Variants in ERC2 observed in about 807,000 individuals in gnomAD.
The protein encoded by ERC2 is ERC protein 2.
ERC2 carries 42 observed loss-of-function variants against 114.8 expected under a neutral mutation model. The observed-to-expected ratio is 0.37, with a 90% CI of 0.29 to 0.47. ERC2 has a LOEUF of 0.47. Among genes scored for constraint, ERC2 ranks in the 20% least tolerant of loss-of-function variants. The probability of loss-of-function intolerance (pLI) is 0.99; values close to 1 mark genes in which losing one functional copy is unlikely to be tolerated. For synonymous variants in ERC2, 454 were observed against 425.5 expected (o/e 1.07, Z -0.82); for missense variants, 939 against 1,150.7 (o/e 0.82, Z 2.66).
intron 2 of ERC2, among the ~76,000 whole-genome samples, chr3:56,310,829 G>A (rs1047008875): frequency 6.6e-6 from 1 of 151,888 alleles, no homozygotes; most frequent in Non-Finnish European, 1.5e-5. Context: ...ATTTTAACAA[G>A]ACCCACAGGT....
intron 17 of ERC2, among the ~76,000 whole-genome samples, chr3:55,634,177 C>G (rs537789267): frequency 2.0e-5 from 3 of 152,188 alleles, no homozygotes; most frequent in Admixed American, 6.5e-5. Flanking sequence ...CAGAATGCCC[C>G]AGACACGAAG....
intron 2 of ERC2, among the ~76,000 whole-genome samples, chr3:56,398,769 T>C (rs117847992): frequency 0.023 from 3,555 of 152,174 alleles, 41 homozygotes; most frequent in South Asian, 0.069. Context: ...TGCAGGCATA[T>C]ACCACCACAC....
chr3:55,730,708 A>G (rs928524691), intron 15 of ERC2, among the ~76,000 whole-genome samples: 3 of 152,138 alleles, frequency 2.0e-5, no homozygotes, highest in Non-Finnish European at 1.5e-5. Context: ...CCATTTCTAC[A>G]AAAAAATACA....
intron 17 of ERC2, chr3:55,659,532 G>C (rs2061028910): frequency 1.3e-5 from 2 of 151,274 alleles, no homozygotes; most frequent in Admixed American, 1.3e-4. Context: ...AATAGTCTCT[G>C]TGCTCCACTC....
At chr3:56,390,170 C>CT (rs2060077839) in intron 2 of ERC2, among the ~76,000 whole-genome samples, 1 of 152,122 alleles carries the variant, frequency 6.6e-6, no homozygotes, top group African/African-American at 2.4e-5. Context: ...AGAAACCATT[C>CT]TTTAATTAGC....
intron 14 of ERC2, among the ~76,000 whole-genome samples, chr3:55,809,700 A>C (rs2059641261): frequency 6.6e-6 from 1 of 152,176 alleles, no homozygotes; most frequent in African/African-American, 2.4e-5. Context: ...ACACAACCAA[A>C]GTATCAAAGT....
chr3:56,163,028 T>A, intron 4 of ERC2, among the ~76,000 whole-genome samples: 1 of 152,156 alleles, frequency 6.6e-6, no homozygotes, highest in Non-Finnish European at 1.5e-5. Flanking sequence ...CTCTTAACAC[T>A]GCTTTTGCTC....
intron 17 of ERC2, among the ~76,000 whole-genome samples, chr3:55,659,716 T>C (rs546249275): frequency 2.0e-5 from 3 of 152,158 alleles, no homozygotes; most frequent in Non-Finnish European, 2.9e-5. Context: ...TCTCAACCGA[T>C]AGCCTGTTTG....
At chr3:56,157,031 T>A (rs369522762) in intron 4 of ERC2, among the ~76,000 whole-genome samples, 7 of 152,324 alleles carry the variant, frequency 4.6e-5, no homozygotes, top group East Asian at 1.9e-4. Context: ...CATAATCCTA[T>A]GAATTAAGGA....
chr3:55,861,204 T>C (rs953082057), intron 14 of ERC2, among the ~76,000 whole-genome samples: 23 of 152,230 alleles, frequency 1.5e-4, no homozygotes, highest in African/African-American at 5.5e-4. Context: ...TCTGTGCTAT[T>C]TGGAAACTGC....
chr3:56,092,324 C>T (rs1376651441), intron 6 of ERC2, among the ~76,000 whole-genome samples: 1 of 152,168 alleles, frequency 6.6e-6, no homozygotes, highest in Non-Finnish European at 1.5e-5. Flanking sequence ...GTATCACCTA[C>T]ATGGGAGAAT....
chr3:56,420,875 C>T (rs1164462708), intron 2 of ERC2, among the ~76,000 whole-genome samples: 4 of 146,392 alleles, frequency 2.7e-5, no homozygotes, highest in Admixed American at 6.9e-5. Context: ...CCAGCCTGGG[C>T]GACAGAGCAA....
intron 6 of ERC2, among the ~76,000 whole-genome samples, chr3:56,106,958 G>T (rs2078696879): frequency 6.6e-6 from 1 of 152,196 alleles, no homozygotes; most frequent in Non-Finnish European, 1.5e-5. Flanking sequence ...AATCAGAGGT[G>T]ATCAGGTGTT....
rs112607327 is a variant in ERC2 at position 55,570,048 on chromosome 3, C to T, written c.*40-58772G>A. 6.0e-3 allele frequency among the ~76,000 whole-genome samples: 913 copies of T among 151,890 alleles called. 7 individuals are homozygous for T. The highest frequency in any genetic ancestry group is 0.02 in the African/African-American group (842 of 41,416). ...TAGCTTTTTGTATTTTTAGTAGAGA[C>T]GGGATTTTATCATGTTGGCCAGGCT... is the stretch of plus-strand genomic sequence containing the variant. On this transcript the variant is annotated intron_variant, in intron 17 of 17. Coordinates refer to ENST00000288221, the MANE Select transcript of ERC2 (RefSeq NM_015576.3).
At position 55,686,932 on chromosome 3, in the gene ERC2, G is replaced by A. The variant is rs2062364595; in HGVS notation, c.2848-3073C>T. Among the ~76,000 whole-genome samples, 3 of 152,150 alleles carry A rather than the reference G, an allele frequency of 2.0e-5. No individual in the cohort carries two copies. The South Asian group carries it at 6.2e-4, about 32-fold the overall frequency. ...ATCTGGGGATGGGAACATCCAAGGT[G>A]GACCGAAGCCCAGAGAGCACAGTGA... On this transcript the variant is annotated intron_variant, in intron 16 of 17. Transcript: ENST00000288221.
intron 13 of ERC2, among the ~76,000 whole-genome samples, chr3:55,919,680 C>G (rs1028060163): frequency 2.7e-4 from 41 of 152,068 alleles, no homozygotes; most frequent in African/African-American, 9.9e-4. Flanking sequence ...GTGAAGAGTG[C>G]TAAAGAGAAT....
chr3:55,992,351 C>T, intron 10 of ERC2, 101 bp from the exon 11 acceptor site: 1 of 1,068,592 alleles, frequency 9.4e-7, no homozygotes, highest in Admixed American at 2.4e-5. Context: ...GAGAGAAAAT[C>T]ACCACCAAGA....
rs145248551 is a variant in ERC2, at chr3:56,151,269, G to A, written c.1150-2137C>T. ...TTTAGTAGTGACGGGGTTTCACCATGTTGGCCAGGCTACTCTCGAACTCCT... is the reference window on the plus strand; with the variant it reads ...TTTAGTAGTGACGGGGTTTCACCATATTGGCCAGGCTACTCTCGAACTCCT... On this transcript the variant is annotated intron_variant, in intron 4 of 17. Coordinates refer to ENST00000288221, the MANE Select transcript of ERC2 (RefSeq NM_015576.3). Among the ~76,000 whole-genome samples the A allele has an allele frequency of 1.7e-3, 264 of 152,224 alleles. 4 individuals carry two copies. Among genetic ancestry groups the A allele is most frequent in the African/African-American group, 6.2e-3 (257 of 41,532 alleles).
At chr3:56,197,222 T>C (rs1575783574) in intron 3 of ERC2, among the ~76,000 whole-genome samples, 1 of 152,184 alleles carries the variant, frequency 6.6e-6, no homozygotes, top group East Asian at 1.9e-4. Context: ...CTCGGGCAAG[T>C]AACTTGGCCT....
Sources: allele counts gnomAD v4.1 joint callset (sites outside exome capture counted in the v4.1 genomes callset), GRCh38; gene constraint gnomAD v4.1.1; transcripts MANE v1.5; gene names NCBI Gene and HGNC (gene_info 2026-07-23, HGNC 2026-07-21).